ARSK: variants seen among roughly 807,000 people sequenced by gnomAD.
ARSK encodes the protein arylsulfatase family member K.
A neutral mutation model predicts 53.2 loss-of-function variants in ARSK; 37 were observed. The ratio of observed to expected loss-of-function variants is 0.70; its 90% CI spans 0.54 to 0.92. The LOEUF is 0.92. Ranked by LOEUF, ARSK falls within the 40% of genes least tolerant of loss-of-function variation. The probability of loss-of-function intolerance (pLI) is 0.00; values close to 1 mark genes in which losing one functional copy is unlikely to be tolerated. For missense variants in ARSK, 613 were observed against 643.0 expected (o/e 0.95, Z 0.51); for synonymous variants, 208 against 223.2 (o/e 0.93, Z 0.61).
chr5:95,555,456 ACCGCCG>A lies in ARSK; in HGVS notation c.126+58_126+63del. The A allele has an allele frequency of 6.5e-7, 1 of 1,543,438 alleles. No individual in the cohort carries two copies. The highest frequency in any genetic ancestry group is 8.8e-7 in the Non-Finnish European group (1 of 1,142,392). ...CGCCCCGCTGGGGATCGGCGACCTC[ACCGCCG>A]CCGCCTGTGCTGCAGGCTTTGGGGA... On this transcript the variant is annotated intron_variant, in intron 1 of 7. Transcript: ENST00000380009. The surrounding 1 kb of genome is among the most constrained non-coding windows in gnomAD (Gnocchi z 4.0).
intron 1 of ARSK, among the ~76,000 whole-genome samples, chr5:95,560,571 G>A (rs1367552333): frequency 6.6e-6 from 1 of 151,762 alleles, no homozygotes; most frequent in African/African-American, 2.4e-5. Flanking sequence ...TTTTTAACAA[G>A]GGTGCCAAGA....
intron 2 of ARSK, among the ~76,000 whole-genome samples, chr5:95,567,455 C>T (rs1009349466): frequency 1.3e-5 from 2 of 152,138 alleles, no homozygotes; most frequent in South Asian, 2.1e-4. Context: ...TAACACACTA[C>T]GTTTTTTGTG....
At chr5:95,570,197 CA>C (rs1448065774) in intron 3 of ARSK, among the ~76,000 whole-genome samples, 2 of 152,226 alleles carry the variant, frequency 1.3e-5, no homozygotes, top group East Asian at 3.8e-4. Context: ...CCCAAATCCA[CA>C]ACATGATTTA....
intron 3 of ARSK, 118 bp downstream of exon 3, chr5:95,568,167 C>A: frequency 8.9e-7 from 1 of 1,119,694 alleles, no homozygotes; most frequent in Non-Finnish European, 1.2e-6. Context: ...TCTCTTAATC[C>A]CTTCATTGTG....
At chr5:95,568,143 A>G (rs1748761493) in intron 3 of ARSK, 94 bp downstream of exon 3, 1 of 1,324,476 alleles carries the variant, frequency 7.6e-7, no homozygotes, top group African/African-American at 1.5e-5. Context: ...TTTTTCCACA[A>G]AGGTGAAAGT....
chr5:95,580,042 T>A (rs1246895667), intron 3 of ARSK, among the ~76,000 whole-genome samples: 1 of 152,202 alleles, frequency 6.6e-6, no homozygotes, highest in Non-Finnish European at 1.5e-5. Context: ...CTTTGAGAGA[T>A]GCTGGCGTAG....
chr5:95,562,333 A>G (rs976490490), intron 1 of ARSK, among the ~76,000 whole-genome samples: 3 of 152,194 alleles, frequency 2.0e-5, no homozygotes, highest in African/African-American at 4.8e-5. Context: ...ACTCCCTGCC[A>G]CTGCACCTGT....
intron 6 of ARSK, among the ~76,000 whole-genome samples, chr5:95,598,293 T>C (rs749093235): frequency 1.3e-5 from 2 of 152,176 alleles, no homozygotes; most frequent in African/African-American, 4.8e-5. Flanking sequence ...GAAATAAATA[T>C]GCAAAATGAT....
rs773347605 is a variant in ARSK, at chr5:95,591,641, C to A, written c.1096+16C>A. On this transcript the variant is annotated intron_variant, in intron 6 of 7. Transcript: ENST00000380009. ...ACCATGCTTGGTAAGTAATGTAGTT[C>A]TGTAAATATTTATTTGTAATAATGC... 5 of 1,606,564 alleles carry A rather than the reference C, an allele frequency of 3.1e-6. No individual in the cohort carries two copies. The highest frequency in any genetic ancestry group is 1.7e-6 in the Non-Finnish European group (2 of 1,173,280).
At chr5:95,587,360 G>A (rs776013695) in intron 5 of ARSK, among the ~76,000 whole-genome samples, 34 of 152,004 alleles carry the variant, frequency 2.2e-4, no homozygotes, top group Admixed American at 1.6e-3. Context: ...AAAAACCCTC[G>A]TTTAAAAATC....
rs548173776 is a variant in ARSK, at chr5:95,578,139, C to T, written c.417-4777C>T. 3.8e-3 allele frequency among the ~76,000 whole-genome samples: 577 copies of T among 152,028 alleles called. 4 individuals carry two copies. The highest frequency in any genetic ancestry group is 6.2e-3 in the South Asian group (30 of 4,810). On this transcript the variant is annotated intron_variant, in intron 3 of 7. Transcript: ENST00000380009. ...CCTTTTAAAAATTGTATGTGTGTTT[C>T]TCTCAAATTTGAGAGAAGAATTTTT...
chr5:95,588,910 C>T (rs1407595499), intron 5 of ARSK, among the ~76,000 whole-genome samples: 1 of 152,202 alleles, frequency 6.6e-6, no homozygotes, highest in Admixed American at 6.5e-5. Flanking sequence ...TGCAGTGAAC[C>T]AAGATCACAC....
At chr5:95,573,395 G>A (rs1748868293) in intron 3 of ARSK, among the ~76,000 whole-genome samples, 1 of 152,146 alleles carries the variant, frequency 6.6e-6, no homozygotes, top group Non-Finnish European at 1.5e-5. Context: ...AAGACTAGGA[G>A]ATGACCCTTA....
At chr5:95,559,711 G>C (rs1486160937) in intron 1 of ARSK, among the ~76,000 whole-genome samples, 1 of 151,772 alleles carries the variant, frequency 6.6e-6, no homozygotes, top group Non-Finnish European at 1.5e-5. Flanking sequence ...GAACTAAAAG[G>C]CATCTACAAA....
In ARSK at chr5:95,555,164, C is replaced by A; in HGVS notation, c.-115C>A. On this transcript the variant is annotated 5_prime_UTR_variant, in exon 1 of 8. Transcript: ENST00000380009. The surrounding 1 kb of genome is among the most constrained non-coding windows in gnomAD (Gnocchi z 4.0). ...GGTGAAGCTCGGCGTTACTATCAAG[C>A]AACCAAACTGCAAGCTTTGGGAGTT... 3 of 1,001,798 alleles carry A rather than the reference C, an allele frequency of 3.0e-6. No homozygotes were observed. The highest frequency in any genetic ancestry group is 1.4e-5 in the South Asian group (1 of 73,040). The allele number at this position is 1,001,798 out of a possible 1,614,324, so 62.1% of individuals were successfully genotyped here.
chr5:95,602,658 G>A (rs1749422694), intron 7 of ARSK, among the ~76,000 whole-genome samples: 1 of 152,116 alleles, frequency 6.6e-6, no homozygotes, highest in African/African-American at 2.4e-5. Context: ...GTATCTTTAT[G>A]GATCTGAAAT....
At chr5:95,583,473 T>C (rs959357300) in intron 4 of ARSK, among the ~76,000 whole-genome samples, 1 of 152,118 alleles carries the variant, frequency 6.6e-6, no homozygotes, top group Non-Finnish European at 1.5e-5. Context: ...TAGGCAGCTC[T>C]CACTTTGCAC....
At position 95,603,237 on chromosome 5, in the gene ARSK, A is replaced by C; in HGVS notation, c.1322A>C (p.Asp441Ala). 1 of 1,547,560 alleles carries C rather than the reference A, an allele frequency of 6.5e-7. No homozygotes were observed. Among genetic ancestry groups the C allele is most frequent in the Non-Finnish European group, 8.7e-7 (1 of 1,151,074 alleles). Residue 441 changes from aspartate to alanine, a missense_variant and splice_region_variant, in exon 8 of 8, where the codon GAT (aspartate) becomes GCT (alanine). Transcript: ENST00000380009. ...DGASILPQLF[D>A]LSSDPDELTN... Reference sequence around the variant, plus strand: ...CAGATACTTATTTTTTTTCTTTCAGATCTTTCCTCGGATCCAGATGAATTA... The same window carrying C: ...CAGATACTTATTTTTTTTCTTTCAGCTCTTTCCTCGGATCCAGATGAATTA...
Position 95,555,284 on chromosome 5 carries a change from A to C in ARSK, c.6A>C (p.Leu2=), listed in dbSNP as rs150467708. 2.1e-5 allele frequency: 33 copies of C among 1,598,652 alleles called. No homozygotes were observed. The African/African-American group carries it at 4.4e-4, about 21-fold the overall frequency. The part of the protein sequence containing the change: M[L]LLWVSVVAAL... ...TCTCAGAACCGCTACCGGCGATGCTACTGCTGTGGGTGTCGGTGGTCGCAG... is the reference window on the plus strand; with the variant it reads ...TCTCAGAACCGCTACCGGCGATGCTCCTGCTGTGGGTGTCGGTGGTCGCAG... The change falls in exon 1 of 8, where the codon CTA becomes CTC. Residue 2 remains leucine (L), a synonymous_variant. Coordinates refer to ENST00000380009, the MANE Select transcript of ARSK (RefSeq NM_198150.3). This position sits in a 1 kb window ranked among gnomAD's most constrained non-coding sequence, Gnocchi z 4.0.
Sources: gnomAD v4.1 joint callset for allele counts (sites outside exome capture counted in the v4.1 genomes callset) on GRCh38, gnomAD v4.1.1 for gene constraint, Gnocchi (gnomAD v3.1) non-coding constraint, MANE v1.5 for transcripts, NCBI Gene and HGNC (gene_info 2026-07-23, HGNC 2026-07-21) for gene names.